CAD: variants seen among roughly 807,000 people sequenced by gnomAD.
CAD encodes the protein carbamoyl-phosphate synthetase 2, aspartate transcarbamylase, and dihydroorotase, also known as multifunctional protein CAD.
Under a neutral mutation model 237.2 loss-of-function variants are expected in CAD, and 81 were observed. The observed-to-expected ratio is 0.34, with a 90% CI of 0.29 to 0.41. The LOEUF (loss-of-function observed/expected upper bound fraction) is 0.41. Ranked by LOEUF, CAD falls within the 10% of genes least tolerant of loss-of-function variation. The probability of loss-of-function intolerance (pLI) is 1.00; values close to 1 mark genes in which losing one functional copy is unlikely to be tolerated. For missense variants in CAD, 2,181 were observed against 2,951.7 expected, an observed-to-expected ratio of 0.74 and a Z score of 6.05; for synonymous variants, 1,196 against 1,162.8, an observed-to-expected ratio of 1.03 and a Z score of -0.58.
chr2:27,227,697 C>T (rs1675503497), intron 15 of CAD, among the ~76,000 whole-genome samples: 1 of 152,058 alleles, frequency 6.6e-6, no homozygotes, highest in African/African-American at 2.4e-5. Context: ...GAAAATAGGC[C>T]AATGAAAGAT....
At chr2:27,228,923 T>C (rs1240840473) in intron 15 of CAD, among the ~76,000 whole-genome samples, 2 of 135,626 alleles carry the variant, frequency 1.5e-5, no homozygotes, top group African/African-American at 5.5e-5. Flanking sequence ...TTTTTTTTTC[T>C]TTTTTTTTTT....
At chr2:27,219,852 G>A (rs964030768) in intron 2 of CAD, among the ~76,000 whole-genome samples, 1 of 152,116 alleles carries the variant, frequency 6.6e-6, no homozygotes, top group Non-Finnish European at 1.5e-5. Context: ...GCCTCCCAAA[G>A]CGCTGGGATT....
intron 13 of CAD, 92 bp downstream of exon 13, chr2:27,226,411 C>T: frequency 6.5e-7 from 1 of 1,541,448 alleles, no homozygotes; most frequent in South Asian, 1.2e-5. Context: ...TTTGGGCTTA[C>T]AGTCCCTGGA....
rs149723808 is a variant in CAD at position 27,237,017 on chromosome 2, AT to A, written c.4396+209del. 3.1e-3 allele frequency among the ~76,000 whole-genome samples: 396 copies of A among 126,498 alleles called. No homozygotes were observed. Among genetic ancestry groups the A allele is most frequent in the Middle Eastern group, 4.0e-3 (1 of 252 alleles). 83.0% of individuals were successfully genotyped at this position (126,498 alleles called of 152,430 possible). Reference sequence around the variant, plus strand: ...TGTCCACAGTGGCCTTGTCTGAGGAATTTTTTTTTTTTTTTTTTTTTTGAGA... The same window carrying A: ...TGTCCACAGTGGCCTTGTCTGAGGAATTTTTTTTTTTTTTTTTTTTTGAGA... On this transcript the variant is annotated intron_variant, in intron 27 of 43. Transcript: ENST00000264705. This position sits in a 1 kb window ranked among gnomAD's most constrained non-coding sequence, Gnocchi z 4.0.
At position 27,233,296 on chromosome 2, in the gene CAD, T is replaced by TC. The variant is rs763145928; in HGVS notation, c.2992-11dup. ...CTCTTTTGCTGCCACCACTTGTTTC[T>TC]CCCCCTGCAACGTAGGTGGTGATGG... On this transcript the variant is annotated splice_polypyrimidine_tract_variant and intron_variant, in intron 19 of 43. Coordinates refer to ENST00000264705, the MANE Select transcript of CAD (RefSeq NM_004341.5). The surrounding 1 kb of genome is among the most constrained non-coding windows in gnomAD (Gnocchi z 6.3). 35 of 1,603,758 alleles carry TC rather than the reference T, an allele frequency of 2.2e-5. No individual in the cohort carries two copies. The highest frequency in any genetic ancestry group is 3.3e-5 in the Admixed American group (2 of 59,948).
rs1007835880 is a variant in CAD at position 27,236,832 on chromosome 2, T to G, written c.4396+2T>G. On this transcript the variant is annotated splice_donor_variant, in intron 27 of 43. Transcript: ENST00000264705. LOFTEE classifies it high-confidence loss of function. This position sits in a 1 kb window ranked among gnomAD's most constrained non-coding sequence, Gnocchi z 4.1. Reference sequence around the variant, plus strand: ...CCCAAAAGCTTGTGCGACTGCCGGGTAAGTCTTTGGGGAGAACTTGGCTTC... The same window carrying G: ...CCCAAAAGCTTGTGCGACTGCCGGGGAAGTCTTTGGGGAGAACTTGGCTTC... 3.1e-6 allele frequency: 5 copies of G among 1,613,850 alleles called. No homozygotes were observed. Among genetic ancestry groups the G allele is most frequent in the Non-Finnish European group, 3.4e-6 (4 of 1,179,780 alleles).
chr2:27,228,391 A>G (rs981625561), intron 15 of CAD, among the ~76,000 whole-genome samples: 1 of 152,228 alleles, frequency 6.6e-6, no homozygotes, highest in African/African-American at 2.4e-5. Context: ...TTGCCTCTAC[A>G]TATCTGGAAA....
intron 2 of CAD, among the ~76,000 whole-genome samples, chr2:27,219,467 C>A (rs1231748578): frequency 6.6e-6 from 1 of 152,184 alleles, no homozygotes; most frequent in Non-Finnish European, 1.5e-5. Context: ...CTCAACCCCC[C>A]AAGTAGCTGG....
In CAD at chr2:27,233,349, G is replaced by C; in HGVS notation, c.3029G>C (p.Gly1010Ala). The C allele has an allele frequency of 6.2e-7, 1 of 1,614,222 alleles. No individual in the cohort carries two copies. Among genetic ancestry groups the C allele is most frequent in the Non-Finnish European group, 8.5e-7 (1 of 1,180,038 alleles). Reference protein sequence around the residue: ...MDIYELENPEGVILSMGGQLP... With the variant: ...MDIYELENPEAVILSMGGQLP... ...ATCTATGAGCTCGAGAACCCTGAAG[G>C]TGTGATCCTATCCATGGGTGGACAG... Residue 1010 changes from glycine (G) to alanine (A), a missense_variant, in exon 20 of 44, where the codon GGT (glycine) becomes GCT (alanine). Transcript: ENST00000264705. The surrounding 1 kb of genome is among the most constrained non-coding windows in gnomAD (Gnocchi z 6.3).
At chr2:27,218,430 T>TC (rs1353646332) in intron 2 of CAD, among the ~76,000 whole-genome samples, 1 of 151,876 alleles carries the variant, frequency 6.6e-6, no homozygotes, top group African/African-American at 2.4e-5. Flanking sequence ...CAAAGCAGAG[T>TC]CAGCTTAGTT....
intron 15 of CAD, among the ~76,000 whole-genome samples, chr2:27,230,519 A>G (rs1323878653): frequency 6.7e-6 from 1 of 150,096 alleles, no homozygotes; most frequent in Non-Finnish European, 1.5e-5. Context: ...ACAGCTACTC[A>G]GGAGGCTGAG....
Position 27,242,298 on chromosome 2 carries a change from C to T in CAD, c.6097-4C>T. On this transcript the variant is annotated splice_polypyrimidine_tract_variant and splice_region_variant and intron_variant, in intron 39 of 43. Transcript: ENST00000264705. This position sits in a 1 kb window ranked among gnomAD's most constrained non-coding sequence, Gnocchi z 6.4. The stretch of plus-strand genomic sequence containing the variant: ...AAAAGACAGGATTTTCCCCTTTTTT[C>T]CAGCTGGCCGCCAAGCACTGCCGGA... 1 of 1,601,690 alleles carries T rather than the reference C, an allele frequency of 6.2e-7. No individual in the cohort carries two copies. Among genetic ancestry groups the T allele is most frequent in the Non-Finnish European group, 8.5e-7 (1 of 1,172,644 alleles).
chr2:27,224,413 C>G lies in CAD; in HGVS notation c.1177C>G (p.Pro393Ala). 1.2e-6 allele frequency: 2 copies of G among 1,614,216 alleles called. No individual in the cohort carries two copies. The highest frequency in any genetic ancestry group is 1.7e-6 in the Non-Finnish European group (2 of 1,180,030). The change falls in exon 9 of 44, where the codon CCA (proline) becomes GCA (alanine). Residue 393 changes from proline (P) to alanine (A), a missense_variant. Coordinates refer to ENST00000264705, the MANE Select transcript of CAD (RefSeq NM_004341.5). ...CACTCCCGGCTCTGGACTTCCACCACCACGAAAGGTTCTGATCCTGGGCTC... is the reference window on the plus strand; with the variant it reads ...CACTCCCGGCTCTGGACTTCCACCAGCACGAAAGGTTCTGATCCTGGGCTC... Reference protein sequence around the residue: ...IPTPGSGLPPPRKVLILGSGG... With the variant: ...IPTPGSGLPPARKVLILGSGG...
At position 27,233,297 on chromosome 2, in the gene CAD, C is replaced by A. The variant is rs368590697; in HGVS notation, c.2992-15C>A. ...TCTTTTGCTGCCACCACTTGTTTCT[C>A]CCCCTGCAACGTAGGTGGTGATGGA... On this transcript the variant is annotated splice_polypyrimidine_tract_variant and intron_variant, in intron 19 of 43. Transcript: ENST00000264705. This position sits in a 1 kb window ranked among gnomAD's most constrained non-coding sequence, Gnocchi z 6.3. 6.2e-7 allele frequency: 1 copy of A among 1,608,696 alleles called. No homozygotes were observed.
chr2:27,220,863 CAAG>C (rs1572421071), intron 2 of CAD, among the ~76,000 whole-genome samples: 1 of 152,014 alleles, frequency 6.6e-6, no homozygotes, highest in East Asian at 1.9e-4. Context: ...GAGGCTAAAG[CAAG>C]AGAATTGCTT....
chr2:27,220,053 C>G (rs888188456), intron 2 of CAD, among the ~76,000 whole-genome samples: 2 of 152,236 alleles, frequency 1.3e-5, no homozygotes, highest in East Asian at 3.9e-4. Flanking sequence ...ACCTTGTTTT[C>G]TAGCTCCCTA....
Position 27,242,334 on chromosome 2 carries a change from C to A in CAD, c.6129C>A (p.Ile2043=). The change falls in exon 40 of 44, where the codon ATC becomes ATA. Residue 2043 remains isoleucine, a synonymous_variant. Coordinates refer to ENST00000264705, the MANE Select transcript of CAD (RefSeq NM_004341.5). This position sits in a 1 kb window ranked among gnomAD's most constrained non-coding sequence, Gnocchi z 6.4. ...LAAKHCRRPV[I]NAGDGVGEHP... is the part of the protein sequence containing the mutation. ...CCAAGCACTGCCGGAGGCCAGTGAT[C>A]AATGCTGGGGATGGGGTCGGAGAGC... The A allele has an allele frequency of 6.2e-7, 1 of 1,613,766 alleles. No homozygotes were observed. The highest frequency in any genetic ancestry group is 8.5e-7 in the Non-Finnish European group (1 of 1,179,738).
At chr2:27,230,992 C>A (rs895838304) in intron 15 of CAD, among the ~76,000 whole-genome samples, 1 of 152,142 alleles carries the variant, frequency 6.6e-6, no homozygotes, top group African/African-American at 2.4e-5. Flanking sequence ...GTTAAGATTT[C>A]TTTTTGTTTG....
At chr2:27,226,013 T>G in intron 12 of CAD, 87 bp downstream of exon 12, 1 of 1,500,016 alleles carries the variant, frequency 6.7e-7, no homozygotes, top group East Asian at 2.3e-5. Context: ...CTTTGAGAGT[T>G]GTATGTCCCT....
Sources: gnomAD v4.1 joint callset for allele counts (sites outside exome capture counted in the v4.1 genomes callset) on GRCh38, gnomAD v4.1.1 for gene constraint, Gnocchi (gnomAD v3.1) non-coding constraint, MANE v1.5 for transcripts, NCBI Gene and HGNC (gene_info 2026-07-23, HGNC 2026-07-21) for gene names.